Variants in USP32 observed in about 807,000 individuals in gnomAD.
The protein encoded by USP32 is ubiquitin specific peptidase 32.
In USP32, 59 loss-of-function variants were observed where a neutral mutation model predicts 204.8. The ratio of observed to expected loss-of-function variants is 0.29; its 90% CI spans 0.23 to 0.36. The LOEUF is 0.36. Among genes scored for constraint, USP32 ranks in the 10% least tolerant of loss-of-function variants. The pLI, the probability that USP32 is intolerant of heterozygous loss-of-function variation, is 1.00. For missense variants in USP32, 1,160 were observed against 1,946.4 expected (o/e 0.60, Z 7.60); for synonymous variants, 517 against 678.4 (o/e 0.76, Z 3.70).
intron 1 of USP32, among the ~76,000 whole-genome samples, chr17:60,401,445 A>ATT (rs1037961702): frequency 2.0e-5 from 3 of 152,152 alleles, no homozygotes; most frequent in African/African-American, 7.2e-5. Flanking sequence ...TAGGAGCTTT[A>ATT]TTGGTTTTTG....
intron 2 of USP32, among the ~76,000 whole-genome samples, chr17:60,317,857 C>A (rs547378495): frequency 6.6e-6 from 1 of 152,182 alleles, no homozygotes; most frequent in South Asian, 2.1e-4. Context: ...TGGTGGCATG[C>A]GCCTATAGTC....
At chr17:60,344,450 A>T (rs1246158879) in intron 2 of USP32, among the ~76,000 whole-genome samples, 3 of 151,508 alleles carry the variant, frequency 2.0e-5, no homozygotes, top group African/African-American at 7.3e-5. Flanking sequence ...ATCTTATAAA[A>T]TTTATTCTTT....
At chr17:60,324,415 T>A (rs1330604380) in intron 2 of USP32, among the ~76,000 whole-genome samples, 1 of 152,026 alleles carries the variant, frequency 6.6e-6, no homozygotes, top group Admixed American at 6.6e-5. Context: ...GTCTTCCACA[T>A]GAGGCAGGAG....
At chr17:60,284,323 C>T (rs2087053973) in intron 5 of USP32, among the ~76,000 whole-genome samples, 1 of 151,242 alleles carries the variant, frequency 6.6e-6, no homozygotes, top group Admixed American at 6.6e-5. Context: ...AAGTGATTCT[C>T]CTGCCTCTGC....
chr17:60,391,251 A>G (rs908323061), intron 1 of USP32, among the ~76,000 whole-genome samples: 2 of 152,234 alleles, frequency 1.3e-5, no homozygotes, highest in African/African-American at 4.8e-5. Context: ...TGCCAACGCC[A>G]GCTGTCCAGT....
chr17:60,324,820 C>A (rs532280467), intron 2 of USP32, among the ~76,000 whole-genome samples: 1 of 151,658 alleles, frequency 6.6e-6, no homozygotes, highest in African/African-American at 2.4e-5. Flanking sequence ...CTGACCAACA[C>A]GGAGAAAACC....
chr17:60,418,397 T>TTG (rs1555626748), intron 1 of USP32, among the ~76,000 whole-genome samples: 2 of 90,060 alleles, frequency 2.2e-5, no homozygotes, highest in African/African-American at 1.7e-4. Context: ...CTGGCCTCTG[T>TTG]TTTTTTTTTT....
intron 12 of USP32, 100 bp downstream of exon 12, chr17:60,236,036 ATT>A: frequency 1.1e-6 from 1 of 902,946 alleles, no homozygotes; most frequent in South Asian, 1.4e-5. Flanking sequence ...AAGTTGGAGC[ATT>A]TTATTATTGG....
chr17:60,360,447 T>C (rs2089181487), intron 1 of USP32, among the ~76,000 whole-genome samples: 2 of 151,994 alleles, frequency 1.3e-5, no homozygotes, highest in Admixed American at 1.3e-4. Context: ...TCACCTGAAG[T>C]CAGGAGTTCG....
chr17:60,364,064 C>T (rs549542559), intron 1 of USP32, among the ~76,000 whole-genome samples: 168 of 152,286 alleles, frequency 1.1e-3, no homozygotes, highest in Non-Finnish European at 2.0e-3. Flanking sequence ...ATTTACTGCT[C>T]ACAGCTCTGG....
intron 3 of USP32, among the ~76,000 whole-genome samples, chr17:60,298,269 C>T (rs538219765): frequency 1.6e-4 from 25 of 152,302 alleles, no homozygotes; most frequent in African/African-American, 5.8e-4. Context: ...CAGCATAAAT[C>T]TCTGTTCTAT....
chr17:60,239,201 T>C (rs920054928), intron 11 of USP32, among the ~76,000 whole-genome samples: 1 of 152,214 alleles, frequency 6.6e-6, no homozygotes, highest in Non-Finnish European at 1.5e-5. Context: ...AAACATGCTA[T>C]TAATTTTATT....
intron 11 of USP32, among the ~76,000 whole-genome samples, chr17:60,239,475 G>A (rs2085820058): frequency 6.6e-6 from 1 of 151,902 alleles, no homozygotes; most frequent in Admixed American, 6.6e-5. Context: ...TTGTTCTATG[G>A]GTTTCTTACG....
At chr17:60,196,615 A>T (rs2084525088) in intron 27 of USP32, among the ~76,000 whole-genome samples, 1 of 152,122 alleles carries the variant, frequency 6.6e-6, no homozygotes. Context: ...ACTTGAGGTC[A>T]GGAGTTTGAG....
intron 1 of USP32, among the ~76,000 whole-genome samples, chr17:60,406,516 C>CT (rs112995905): frequency 6.6e-6 from 1 of 151,466 alleles, no homozygotes. Context: ...TCTTCTTTTG[C>CT]TTTTTTTTCT....
intron 27 of USP32, 42 bp from the exon 28 acceptor site, chr17:60,192,972 G>T: frequency 6.2e-7 from 1 of 1,605,176 alleles, no homozygotes; most frequent in Non-Finnish European, 8.5e-7. Context: ...AAGCATTTCT[G>T]GTTCGAGGTC....
chr17:60,228,554 T>G (rs1361115586), intron 12 of USP32, among the ~76,000 whole-genome samples: 1 of 150,268 alleles, frequency 6.7e-6, no homozygotes, highest in Non-Finnish European at 1.5e-5. Context: ...TGGTGGCTCA[T>G]GTCTGTAATC....
Position 60,384,000 on chromosome 17 carries a change from A to C in USP32, c.58+7882T>G, listed in dbSNP as rs547808575. 5.3e-5 allele frequency among the ~76,000 whole-genome samples: 8 copies of C among 152,342 alleles called. No homozygotes were observed. The South Asian group carries it at 1.7e-3, about 32-fold the overall frequency. On this transcript the variant is annotated intron_variant, in intron 1 of 33. Coordinates refer to ENST00000300896, the MANE Select transcript of USP32 (RefSeq NM_032582.4). The stretch of plus-strand genomic sequence containing the variant: ...CAAAAGATGATGGCAGTGGGGACTA[A>C]AGTGGAGGCAATTAAGCAGAAGCTA...
At chr17:60,386,582 T>C (rs780254979) in intron 1 of USP32, among the ~76,000 whole-genome samples, 4 of 152,054 alleles carry the variant, frequency 2.6e-5, no homozygotes, top group African/African-American at 9.7e-5. Context: ...TGGCTATGGG[T>C]TGGGCATCAC....
Sources: allele counts gnomAD v4.1 joint callset (sites outside exome capture counted in the v4.1 genomes callset), GRCh38; gene constraint gnomAD v4.1.1; transcripts MANE v1.5; gene names NCBI Gene and HGNC (gene_info 2026-07-23, HGNC 2026-07-21).